The following NTRK2 variants were observed in gnomAD, a reference collection of about 807,000 sequenced individuals.
NTRK2 encodes the protein BDNF/NT-3 growth factors receptor.
A neutral mutation model predicts 94.5 loss-of-function variants in NTRK2; 13 were observed. The observed-to-expected ratio is 0.14, with a 90% confidence interval of 0.09 to 0.22. The LOEUF (loss-of-function observed/expected upper bound fraction) is 0.22. Among genes scored for constraint, NTRK2 ranks in the 10% least tolerant of loss-of-function variants. The pLI is 1.00. For missense variants in NTRK2, 639 were observed against 1,071.2 expected (o/e 0.60, Z 5.63); for synonymous variants, 372 against 407.4 (o/e 0.91, Z 1.05).
intron 14 of NTRK2, chr9:84,875,513 G>A (rs922350865): frequency 2.8e-6 from 3 of 1,063,220 alleles, no homozygotes; most frequent in African/African-American, 3.3e-5. Flanking sequence ...TGAAGCAGAT[G>A]ATCACTTTTT....
intron 14 of NTRK2, among the ~76,000 whole-genome samples, chr9:84,901,732 A>G (rs934158988): frequency 6.6e-6 from 1 of 152,124 alleles, no homozygotes; most frequent in Non-Finnish European, 1.5e-5. Context: ...AGCTAACCCC[A>G]GTCCAGTCCA....
chr9:84,903,227 A>G (rs1338920775), intron 14 of NTRK2, among the ~76,000 whole-genome samples: 1 of 152,202 alleles, frequency 6.6e-6, no homozygotes, highest in Non-Finnish European at 1.5e-5. Context: ...TTGTGGTGCT[A>G]TTGGCTCTCT....
chr9:84,934,169 G>T lies in NTRK2; in HGVS notation c.1641G>T (p.Gln547His). ...NSQLKPDTFV[Q>H]HIKRHNIVLK... is the part of the protein sequence containing the mutation. Reference sequence around the variant, plus strand: ...TCTGTCTTTGTTTTGCAGTTGTTCAGCACATCAAGCGACATAACATTGTTC... The same window carrying T: ...TCTGTCTTTGTTTTGCAGTTGTTCATCACATCAAGCGACATAACATTGTTC... Residue 547 changes from glutamine (Q) to histidine (H), a missense_variant, in exon 15 of 19, where the codon CAG becomes CAT. By Grantham distance (24) the Gln-to-His change is conservative (BLOSUM62 0). Around this residue, in one of 5 missense-constraint regions of NTRK2, gnomAD observed 343 missense variants for 571.5 expected, o/e 0.60. Coordinates refer to ENST00000277120, the MANE Select transcript of NTRK2 (RefSeq NM_006180.6). The T allele has an allele frequency of 5.6e-6, 9 of 1,613,888 alleles. No homozygotes were observed. Among genetic ancestry groups the T allele is most frequent in the Non-Finnish European group, 7.6e-6 (9 of 1,179,866 alleles).
chr9:84,800,024 C>T (rs1356600665), intron 12 of NTRK2, among the ~76,000 whole-genome samples: 3 of 152,084 alleles, frequency 2.0e-5, no homozygotes, highest in African/African-American at 7.2e-5. Flanking sequence ...GTGCAATTAG[C>T]CAGTTAAATT....
chr9:85,003,611 C>T (rs4556163), intron 17 of NTRK2, among the ~76,000 whole-genome samples: 110,962 of 151,802 alleles, frequency 0.73, 41,197 homozygotes, highest in African/African-American at 0.82. Flanking sequence ...GATTTTGTTC[C>T]GAGTACAGTG....
chr9:84,984,787 T>C (rs1414347187), intron 17 of NTRK2, among the ~76,000 whole-genome samples: 1 of 152,260 alleles, frequency 6.6e-6, no homozygotes, highest in Non-Finnish European at 1.5e-5. Context: ...GTTCGTGTCT[T>C]ATCTTTGCCG....
chr9:84,798,793 C>T (rs756458691), intron 12 of NTRK2, among the ~76,000 whole-genome samples: 18 of 152,006 alleles, frequency 1.2e-4, no homozygotes, highest in Non-Finnish European at 2.4e-4. Flanking sequence ...TCATTTGCAA[C>T]TCTTTGTGAA....
intron 17 of NTRK2, among the ~76,000 whole-genome samples, chr9:84,992,204 G>A (rs1260051714): frequency 6.6e-6 from 1 of 152,132 alleles, no homozygotes; most frequent in African/African-American, 2.4e-5. Context: ...GGGGTATCAA[G>A]TTGGCTGGGG....
At chr9:84,731,162 C>T (rs866700062) in intron 9 of NTRK2, among the ~76,000 whole-genome samples, 5 of 152,120 alleles carry the variant, frequency 3.3e-5, no homozygotes, top group South Asian at 2.1e-4. Flanking sequence ...TGCTCGGGCG[C>T]GCTGGCTCAT....
rs979352112 is a variant in NTRK2 at position 84,794,448 on chromosome 9, C to T, written c.1396+42363C>T. The stretch of plus-strand genomic sequence containing the variant: ...TAACATCATGGCATAGCCAAAAAAC[C>T]CCAGTGTAATGCAATACTCTTTATA... On this transcript the variant is annotated intron_variant, in intron 12 of 18. Transcript: ENST00000277120. Among the ~76,000 whole-genome samples, 17 of 152,078 alleles carry T rather than the reference C, an allele frequency of 1.1e-4. 1 individual carries two copies. Among genetic ancestry groups the T allele is most frequent in the African/African-American group, 3.9e-4 (16 of 41,394 alleles).
chr9:84,710,892 G>A (rs941854580), intron 6 of NTRK2, 101 bp downstream of exon 6: 2 of 1,137,334 alleles, frequency 1.8e-6, no homozygotes. Flanking sequence ...ATTGTATATA[G>A]TATTCTGTTG....
intron 12 of NTRK2, among the ~76,000 whole-genome samples, chr9:84,767,807 T>C (rs577338466): frequency 6.6e-6 from 1 of 152,324 alleles, no homozygotes; most frequent in South Asian, 2.1e-4. Context: ...GGAATTCGAT[T>C]CTTCTTAATT....
intron 17 of NTRK2, among the ~76,000 whole-genome samples, chr9:84,967,520 A>C (rs1459783861): frequency 6.6e-6 from 1 of 152,264 alleles, no homozygotes; most frequent in Non-Finnish European, 1.5e-5. Flanking sequence ...CCGAACACTG[A>C]AATGGAACAG....
intron 17 of NTRK2, among the ~76,000 whole-genome samples, chr9:84,972,577 T>C (rs1048908951): frequency 6.6e-6 from 1 of 152,230 alleles, no homozygotes; most frequent in African/African-American, 2.4e-5. Flanking sequence ...CATGCTCAAA[T>C]GTGTTATATA....
intron 17 of NTRK2, among the ~76,000 whole-genome samples, chr9:85,018,281 T>C (rs992771720): frequency 6.6e-6 from 1 of 152,226 alleles, no homozygotes; most frequent in Non-Finnish European, 1.5e-5. Context: ...TTCTAAACCA[T>C]ATGGTACATT....
intron 12 of NTRK2, among the ~76,000 whole-genome samples, chr9:84,753,808 G>A (rs555243115): frequency 6.6e-6 from 1 of 152,240 alleles, no homozygotes; most frequent in African/African-American, 2.4e-5. Context: ...GGTCTTGAAG[G>A]GTTTAGTTTG....
intron 16 of NTRK2, among the ~76,000 whole-genome samples, chr9:84,949,509 C>T (rs1442574992): frequency 2.0e-5 from 3 of 151,802 alleles, no homozygotes; most frequent in Non-Finnish European, 4.4e-5. Flanking sequence ...GCTCTGTCAC[C>T]CAGGCTGGAG....
chr9:84,693,785 T>C (rs987395788), intron 2 of NTRK2, among the ~76,000 whole-genome samples: 5 of 152,176 alleles, frequency 3.3e-5, no homozygotes, highest in Non-Finnish European at 7.3e-5. Flanking sequence ...ATATAGCCAG[T>C]AAGAGGTGAA....
At chr9:84,789,585 G>A (rs1289635898) in intron 12 of NTRK2, among the ~76,000 whole-genome samples, 1 of 152,198 alleles carries the variant, frequency 6.6e-6, no homozygotes, top group African/African-American at 2.4e-5. Context: ...CTGAGGCCCA[G>A]CGTGACCCAT....
Sources: gnomAD v4.1 joint callset for allele counts (sites outside exome capture counted in the v4.1 genomes callset) on GRCh38, gnomAD v4.1.1 for gene constraint, gnomAD v4.1.1 regional missense constraint, MANE v1.5 for transcripts, NCBI Gene and HGNC (gene_info 2026-07-23, HGNC 2026-07-21) for gene names.